FBN2: variants seen among roughly 807,000 people sequenced by gnomAD.
FBN2 encodes the protein fibrillin 2.
In FBN2, 105 loss-of-function variants were observed where a neutral mutation model predicts 355.6. The observed-to-expected ratio is 0.30, with a 90% confidence interval of 0.25 to 0.35. The LOEUF is 0.35. Ranked by LOEUF, FBN2 falls within the 10% of genes least tolerant of loss-of-function variation. The probability of loss-of-function intolerance (pLI) is 1.00; values close to 1 mark genes in which losing one functional copy is unlikely to be tolerated. For missense variants in FBN2, 3,280 were observed against 3,758.7 expected (o/e 0.87, Z 3.33); for synonymous variants, 1,350 against 1,301.2 (o/e 1.04, Z -0.81).
chr5:128,506,185 G>A (rs1755954667), intron 5 of FBN2, among the ~76,000 whole-genome samples: 1 of 152,086 alleles, frequency 6.6e-6, no homozygotes, highest in South Asian at 2.1e-4. Flanking sequence ...CTGCTCTACT[G>A]GACTTCATAC....
chr5:128,421,860 G>T lies in FBN2; in HGVS notation c.953-13061C>A, dbSNP rs932180909. ...TTAGAACCTATCAGTATGTGAGCTT[G>T]CACGACAAAGAGAATTATGGTTGTT... On this transcript the variant is annotated intron_variant, in intron 7 of 64. Transcript: ENST00000262464. 3.3e-5 allele frequency among the ~76,000 whole-genome samples: 5 copies of T among 152,274 alleles called. No homozygotes were observed. In the Middle Eastern group the frequency reaches 0.01, roughly 311 times the overall value.
chr5:128,516,944 C>T (rs1359320909), intron 5 of FBN2, among the ~76,000 whole-genome samples: 1 of 152,154 alleles, frequency 6.6e-6, no homozygotes, highest in African/African-American at 2.4e-5. Flanking sequence ...AACTTGTTAA[C>T]TCCTTCTTTG....
intron 50 of FBN2, among the ~76,000 whole-genome samples, chr5:128,290,376 G>T (rs1183917629): frequency 6.6e-6 from 1 of 152,190 alleles, no homozygotes; most frequent in African/African-American, 2.4e-5. Context: ...CATTCTGAGA[G>T]CCACAGCCTG....
At chr5:128,416,714 T>C (rs767490759) in intron 7 of FBN2, among the ~76,000 whole-genome samples, 1 of 152,202 alleles carries the variant, frequency 6.6e-6, no homozygotes, top group Non-Finnish European at 1.5e-5. Context: ...AATCTGTAAA[T>C]AGGAGGATTT....
rs182261344 is a variant in FBN2 at position 128,451,752 on chromosome 5, T to C, written c.827-5146A>G. Reference sequence around the variant, plus strand: ...CTCCCACTCTCATTACAGTGTGGTATAAAAGAGCTCTAGAAACTTGTTTTC... The same window carrying C: ...CTCCCACTCTCATTACAGTGTGGTACAAAAGAGCTCTAGAAACTTGTTTTC... On this transcript the variant is annotated intron_variant, in intron 6 of 64. Coordinates refer to ENST00000262464, the MANE Select transcript of FBN2 (RefSeq NM_001999.4). 4.3e-4 allele frequency among the ~76,000 whole-genome samples: 66 copies of C among 152,250 alleles called. No individual in the cohort carries two copies. The East Asian group carries it at 0.01, about 24-fold the overall frequency.
At chr5:128,300,175 C>A (rs27456) in intron 48 of FBN2, among the ~76,000 whole-genome samples, 76,208 of 152,084 alleles carry the variant, frequency 0.5, 22,181 homozygotes, top group East Asian at 0.8. Context: ...AAAAACCACA[C>A]TAAAATGCTG....
chr5:128,466,184 A>T (rs1754705990), intron 5 of FBN2, among the ~76,000 whole-genome samples: 1 of 152,240 alleles, frequency 6.6e-6, no homozygotes, highest in South Asian at 2.1e-4. Context: ...CACCAATTCA[A>T]TTATTCTCAT....
At chr5:128,409,634 G>T (rs1054736268) in intron 7 of FBN2, among the ~76,000 whole-genome samples, 2 of 152,118 alleles carry the variant, frequency 1.3e-5, no homozygotes, top group South Asian at 4.1e-4. Context: ...AAAAGGAAAT[G>T]AGTCATTGTG....
chr5:128,420,840 CAAAT>C (rs1354333027), intron 7 of FBN2, among the ~76,000 whole-genome samples: 1 of 152,044 alleles, frequency 6.6e-6, no homozygotes, highest in Non-Finnish European at 1.5e-5. Context: ...TGCCACATAC[CAAAT>C]ACCTAAATGT....
intron 28 of FBN2, 79 bp downstream of exon 28, chr5:128,335,909 T>G: frequency 6.9e-7 from 1 of 1,456,246 alleles, no homozygotes; most frequent in Non-Finnish European, 9.5e-7. Context: ...TGCATAGCCT[T>G]CATTATAATT....
Position 128,258,222 on chromosome 5 carries a change from C to T in FBN2, c.*1233G>A, listed in dbSNP as rs746745912. On this transcript the variant is annotated 3_prime_UTR_variant, in exon 65 of 65. Coordinates refer to ENST00000262464, the MANE Select transcript of FBN2 (RefSeq NM_001999.4). The stretch of plus-strand genomic sequence containing the variant: ...CTTGGGTTGAGAAGAATAATGGATA[C>T]GTGCTCTTAATAGCACATCCTGGTA... 9.2e-5 allele frequency: 14 copies of T among 152,532 alleles called. No homozygotes were observed. The highest frequency in any genetic ancestry group is 2.7e-4 in the African/African-American group (11 of 41,402). 9.4% of individuals were successfully genotyped at this position (152,532 alleles called of 1,614,324 possible).
chr5:128,328,632 T>G, intron 34 of FBN2, 64 bp downstream of exon 34: 1 of 1,575,480 alleles, frequency 6.3e-7, no homozygotes, highest in Non-Finnish European at 8.7e-7. Flanking sequence ...TTCCAGCCCT[T>G]GTTGTGGTTT....
chr5:128,457,708 T>A (rs1561466698), intron 6 of FBN2, among the ~76,000 whole-genome samples: 1 of 152,086 alleles, frequency 6.6e-6, no homozygotes, highest in Non-Finnish European at 1.5e-5. Context: ...AAGCTAAGCT[T>A]CATAAGCAAA....
chr5:128,357,390 T>C lies in FBN2; in HGVS notation c.2560A>G (p.Asn854Asp), dbSNP rs560259673. 1 of 1,613,888 alleles carries C rather than the reference T, an allele frequency of 6.2e-7. No homozygotes were observed. The highest frequency in any genetic ancestry group is 1.3e-5 in the African/African-American group (1 of 75,038). ...RTETETCEDI[N>D]ECESNPCVNG... ...ACACATGGGTTGCTTTCACATTCAT[T>C]TATATCTACAATCCAGAAGGAAAAG... Residue 854 changes from asparagine to aspartate, a missense_variant, in exon 20 of 65, where the codon AAT becomes GAT. Coordinates refer to ENST00000262464, the MANE Select transcript of FBN2 (RefSeq NM_001999.4).
intron 5 of FBN2, 125 bp from the exon 6 acceptor site, chr5:128,465,046 G>C (rs1420891281): frequency 2.1e-6 from 2 of 935,092 alleles, no homozygotes; most frequent in Non-Finnish European, 1.7e-6. Flanking sequence ...CAGAAGGCTA[G>C]AGAGTTTCAT....
Position 128,312,744 on chromosome 5 carries a change from C to T in FBN2, c.4769G>A (p.Ser1590Asn). 1 of 1,613,892 alleles carries T rather than the reference C, an allele frequency of 6.2e-7. No homozygotes were observed. Among genetic ancestry groups the T allele is most frequent in the Non-Finnish European group, 8.5e-7 (1 of 1,179,962 alleles). ...CCCGATCTCGGTGTTGCAAGACAGA[C>T]TCCCATCTCCTCGAGGTCCAAACTT... ...YLKFGPRGDG[S>N]LSCNTEIGVG... is the part of the protein sequence containing the mutation. Residue 1590 changes from serine to asparagine, a missense_variant, in exon 37 of 65, where the codon AGT becomes AAT. Around this residue, in one of 6 missense-constraint regions of FBN2, gnomAD observed 2,284 missense variants for 2,749.5 expected, o/e 0.83. Coordinates refer to ENST00000262464, the MANE Select transcript of FBN2 (RefSeq NM_001999.4).
In FBN2 at chr5:128,312,796, C is replaced by T. The variant is rs879563648; in HGVS notation, c.4718-1G>A. 6.2e-7 allele frequency: 1 copy of T among 1,613,468 alleles called. No individual in the cohort carries two copies. Among genetic ancestry groups the T allele is most frequent in the African/African-American group, 1.3e-5 (1 of 74,902 alleles). ...AGGTAGCAGTTGCCCACACGGTTGT[C>T]TGCAGAGCAACAAAGGAGCTTACAG... On this transcript the variant is annotated splice_acceptor_variant, in intron 36 of 64. Transcript: ENST00000262464. LOFTEE classifies it high-confidence loss of function.
At chr5:128,326,459 C>G (rs981730278) in intron 34 of FBN2, among the ~76,000 whole-genome samples, 1 of 152,136 alleles carries the variant, frequency 6.6e-6, no homozygotes, top group Non-Finnish European at 1.5e-5. Context: ...GTTTTATATT[C>G]CCCCATTTTG....
chr5:128,503,452 G>T, intron 5 of FBN2, among the ~76,000 whole-genome samples: 1 of 152,172 alleles, frequency 6.6e-6, no homozygotes, highest in Non-Finnish European at 1.5e-5. Context: ...AAGACAGGAA[G>T]ATGTGGGAAA....
Sources: gnomAD v4.1 joint callset for allele counts (sites outside exome capture counted in the v4.1 genomes callset) on GRCh38, gnomAD v4.1.1 for gene constraint, gnomAD v4.1.1 regional missense constraint, MANE v1.5 for transcripts, NCBI Gene and HGNC (gene_info 2026-07-23, HGNC 2026-07-21) for gene names.